NRG1: variants seen among roughly 807,000 people sequenced by gnomAD.
NRG1 encodes neuregulin 1.
Under a neutral mutation model 63.8 loss-of-function variants are expected in NRG1, and 18 were observed. The ratio of observed to expected loss-of-function variants is 0.28; its 90% CI spans 0.19 to 0.42. The LOEUF (loss-of-function observed/expected upper bound fraction) is 0.42. NRG1 is among the 10% of genes least tolerant of loss of function. NRG1 has a pLI of 1.00. For synonymous variants in NRG1, 302 were observed against 301.3 expected, an observed-to-expected ratio of 1.00 and a Z score of -0.02; for missense variants, 762 against 814.7, an observed-to-expected ratio of 0.94 and a Z score of 0.79.
chr8:32,763,892 C>T (rs1831150714), exon 12 of NRG1: 1 of 1,614,102 alleles, frequency 6.2e-7, no homozygotes, highest in Non-Finnish European at 8.5e-7. Context: ...TCAGCCCCTT[C>T]ATGGAAGAAG....
intron 1 of NRG1, chr8:32,256,362 T>TG (rs1849700255): frequency 3.3e-5 from 5 of 152,226 alleles, no homozygotes; most frequent in Admixed American, 3.3e-4. Flanking sequence ...GACCTTTGGA[T>TG]GGGGTTTTTG....
At chr8:32,660,526 G>A (rs529773352) in intron 5 of NRG1, among the ~76,000 whole-genome samples, 4 of 152,198 alleles carry the variant, frequency 2.6e-5, no homozygotes, top group South Asian at 2.1e-4. Context: ...TTGCAAAGTC[G>A]GACGTGATTT....
intron 1 of NRG1, among the ~76,000 whole-genome samples, chr8:31,934,669 A>G (rs1317064707): frequency 1.3e-5 from 2 of 152,132 alleles, no homozygotes; most frequent in African/African-American, 4.8e-5. Context: ...TTCTATGGAT[A>G]AATTACACAT....
intron 1 of NRG1, among the ~76,000 whole-genome samples, chr8:32,510,680 C>A (rs1377748389): frequency 2.0e-5 from 3 of 152,034 alleles, no homozygotes; most frequent in African/African-American, 7.2e-5. Flanking sequence ...TCACTGATAA[C>A]TAAAACAAAG....
rs996423276 is a variant in NRG1, at chr8:32,388,289, T to C, written c.38-207539T>C. The stretch of plus-strand genomic sequence containing the variant: ...TCTGTTGACATAAGTAATTAGATTA[T>C]TGGACAAAGATCTGATCTAGTAATT... On this transcript the variant is annotated intron_variant, in intron 1 of 10. Transcript: ENST00000519301. Among the ~76,000 whole-genome samples the C allele has an allele frequency of 7.2e-5, 11 of 152,328 alleles. No homozygotes were observed. In the South Asian group the frequency reaches 1.2e-3, roughly 17 times the overall value.
rs553665237 is a variant in NRG1 at position 32,351,631 on chromosome 8, G to A, written c.38-244197G>A. ...CTTCCAGCGTCCATCCCATCTCTCCGTCTGAGGGGTCCCCACTCCTAGTCC... is the reference window on the plus strand; with the variant it reads ...CTTCCAGCGTCCATCCCATCTCTCCATCTGAGGGGTCCCCACTCCTAGTCC... On this transcript the variant is annotated intron_variant, in intron 1 of 10. Coordinates refer to the NRG1 transcript ENST00000519301. Among the ~76,000 whole-genome samples the A allele has an allele frequency of 1.8e-3, 276 of 152,120 alleles. 2 individuals carry two copies. The highest frequency in any genetic ancestry group is 6.4e-3 in the African/African-American group (265 of 41,510).
chr8:31,657,345 C>A (rs563219429), intron 1 of NRG1, among the ~76,000 whole-genome samples: 1 of 152,288 alleles, frequency 6.6e-6, no homozygotes, highest in East Asian at 1.9e-4. Context: ...AAGACAAGTT[C>A]TGAAACCTCT....
At chr8:32,133,030 T>C (rs1405522658) in intron 1 of NRG1, among the ~76,000 whole-genome samples, 1 of 151,740 alleles carries the variant, frequency 6.6e-6, no homozygotes. Context: ...TCTCTCTTTC[T>C]TCCTATGAAG....
At chr8:31,679,928 A>G (rs2131052950) in intron 1 of NRG1, among the ~76,000 whole-genome samples, 1 of 152,218 alleles carries the variant, frequency 6.6e-6, no homozygotes, top group South Asian at 2.1e-4. Context: ...AATATTTGGA[A>G]AAGGTAACAA....
At chr8:31,972,141 A>G (rs1807392592) in intron 1 of NRG1, among the ~76,000 whole-genome samples, 1 of 152,138 alleles carries the variant, frequency 6.6e-6, no homozygotes, top group Non-Finnish European at 1.5e-5. Context: ...GCCAAAATTT[A>G]TATAATAATC....
chr8:32,239,655 C>T (rs1318350731), intron 1 of NRG1, among the ~76,000 whole-genome samples: 1 of 152,100 alleles, frequency 6.6e-6, no homozygotes, highest in Non-Finnish European at 1.5e-5. Context: ...TTGCCAACCA[C>T]ATATTCAAGA....
At chr8:31,819,006 A>T (rs1246941287) in intron 1 of NRG1, among the ~76,000 whole-genome samples, 1 of 152,182 alleles carries the variant, frequency 6.6e-6, no homozygotes, top group African/African-American at 2.4e-5. Context: ...GTGAGCCGAG[A>T]TCGCGCCACT....
chr8:32,724,860 A>G (rs960836653), intron 5 of NRG1, among the ~76,000 whole-genome samples: 2 of 152,218 alleles, frequency 1.3e-5, no homozygotes, highest in Non-Finnish European at 2.9e-5. Flanking sequence ...TCATTTTGCT[A>G]TGAAATATCC....
At chr8:32,292,109 A>AT (rs1354506109) in intron 1 of NRG1, among the ~76,000 whole-genome samples, 3 of 152,102 alleles carry the variant, frequency 2.0e-5, no homozygotes, top group African/African-American at 7.2e-5. Context: ...GAACACTTTC[A>AT]TTTTTTCCCC....
At chr8:32,330,041 TAAAAAAAAAAAAAAAAAAAA>T (rs532006401) in intron 1 of NRG1, among the ~76,000 whole-genome samples, 492 of 43,030 alleles carry the variant, frequency 0.011, 13 homozygotes, top group African/African-American at 0.041. Flanking sequence ...CCTAGCTAAT[TAAAAAAAAAAAAAAAAAAAA>T]AAAAAAAAAA....
intron 1 of NRG1, among the ~76,000 whole-genome samples, chr8:32,484,035 G>A (rs893310828): frequency 8.6e-5 from 13 of 151,790 alleles, no homozygotes; most frequent in African/African-American, 2.7e-4. Context: ...CCCAGGAGGC[G>A]GAGCTTGCAG....
intron 1 of NRG1, among the ~76,000 whole-genome samples, chr8:31,753,481 C>G (rs1244786825): frequency 6.6e-6 from 1 of 151,978 alleles, no homozygotes; most frequent in Admixed American, 6.6e-5. Context: ...AAAGAAAAGC[C>G]AAGGGATTTT....
At position 32,642,997 on chromosome 8, in the gene NRG1, C is replaced by T. The variant is rs146754576; in HGVS notation, c.502+26112C>T. ...CATAGCCTAGCTTGAATTGATGTAGCTGAGGAATTCTAGTATTTTTTATTT... is the reference window on the plus strand; with the variant it reads ...CATAGCCTAGCTTGAATTGATGTAGTTGAGGAATTCTAGTATTTTTTATTT... On this transcript the variant is annotated intron_variant, in intron 5 of 11. Coordinates refer to ENST00000356819, the Ensembl canonical transcript of NRG1. Among the ~76,000 whole-genome samples the T allele has an allele frequency of 2.1e-3, 314 of 152,242 alleles. 1 individual carries two copies. The highest frequency in any genetic ancestry group is 6.4e-3 in the African/African-American group (265 of 41,528).
intron 1 of NRG1, among the ~76,000 whole-genome samples, chr8:31,914,132 CCTT>C: frequency 6.6e-6 from 1 of 152,174 alleles, no homozygotes; most frequent in Non-Finnish European, 1.5e-5. Context: ...AAGAGATCGT[CCTT>C]CTTAGAAAAG....
Sources: allele counts gnomAD v4.1 joint callset (sites outside exome capture counted in the v4.1 genomes callset), GRCh38; gene constraint gnomAD v4.1.1; transcripts MANE v1.5; gene names NCBI Gene and HGNC (gene_info 2026-07-23, HGNC 2026-07-21).